PBX1: variants seen among roughly 807,000 people sequenced by gnomAD.
PBX1 encodes PBX homeobox 1.
In PBX1, 6 loss-of-function variants were observed where a neutral mutation model predicts 53.4. The ratio of observed to expected loss-of-function variants is 0.11; its 90% CI spans 0.06 to 0.22. The LOEUF (loss-of-function observed/expected upper bound fraction) is 0.22, where lower values mean the gene tolerates loss of function less well. Among genes scored for constraint, PBX1 ranks in the 10% least tolerant of loss-of-function variants. The pLI is 1.00. For synonymous variants in PBX1, 204 were observed against 212.3 expected, an observed-to-expected ratio of 0.96 and a Z score of 0.34; for missense variants, 251 against 551.4, an observed-to-expected ratio of 0.46 and a Z score of 5.46.
chr1:164,755,234 T>C (rs192157874), intron 2 of PBX1, among the ~76,000 whole-genome samples: 1,975 of 152,298 alleles, frequency 0.013, 21 homozygotes, highest in Non-Finnish European at 0.022. Flanking sequence ...AATCTTGACC[T>C]CCGCCTCCCG....
chr1:164,693,121 T>C (rs1300070838), intron 2 of PBX1, among the ~76,000 whole-genome samples: 1 of 150,882 alleles, frequency 6.6e-6, no homozygotes, highest in Non-Finnish European at 1.5e-5. Flanking sequence ...CTCAGGGTTC[T>C]TCTCCCCACT....
At chr1:164,617,025 C>A (rs1657324762) in intron 2 of PBX1, among the ~76,000 whole-genome samples, 1 of 152,160 alleles carries the variant, frequency 6.6e-6, no homozygotes, top group Non-Finnish European at 1.5e-5. Flanking sequence ...TCTTGACTAT[C>A]TTTTTCCTGT....
At chr1:164,604,959 G>A (rs1325500535) in intron 2 of PBX1, among the ~76,000 whole-genome samples, 3 of 152,144 alleles carry the variant, frequency 2.0e-5, no homozygotes, top group African/African-American at 7.2e-5. Context: ...CCATAGAGGT[G>A]GAGTGCCTTC....
At chr1:164,805,847 A>C (rs541141397) in intron 4 of PBX1, among the ~76,000 whole-genome samples, 1 of 152,160 alleles carries the variant, frequency 6.6e-6, no homozygotes, top group East Asian at 1.9e-4. Context: ...ATGATTTAGG[A>C]GAGTGACTTG....
intron 2 of PBX1, among the ~76,000 whole-genome samples, chr1:164,570,506 G>T (rs1007649804): frequency 1.3e-5 from 2 of 152,228 alleles, no homozygotes; most frequent in Admixed American, 6.5e-5. Flanking sequence ...ATGGTTTCCA[G>T]CTTCATCCAT....
At chr1:164,733,251 C>G (rs553301210) in intron 2 of PBX1, among the ~76,000 whole-genome samples, 2 of 152,256 alleles carry the variant, frequency 1.3e-5, no homozygotes, top group South Asian at 4.1e-4. Context: ...GACTCACCCA[C>G]TAGACTGAGA....
intron 2 of PBX1, among the ~76,000 whole-genome samples, chr1:164,791,200 T>G (rs1668489131): frequency 6.6e-6 from 1 of 152,136 alleles, no homozygotes; most frequent in African/African-American, 2.4e-5. Context: ...GATGAGTGAT[T>G]TATTTTATGG....
intron 2 of PBX1, among the ~76,000 whole-genome samples, chr1:164,637,350 CTG>C (rs1002020601): frequency 3.3e-5 from 5 of 152,118 alleles, no homozygotes; most frequent in Admixed American, 2.6e-4. Context: ...CAAAGTAAAA[CTG>C]AGAGAAAAAA....
chr1:164,678,817 T>C (rs117532995), intron 2 of PBX1, among the ~76,000 whole-genome samples: 2,530 of 152,248 alleles, frequency 0.017, 53 homozygotes, highest in East Asian at 0.063. Flanking sequence ...GGCATGGTAG[T>C]TTTATGAACA....
intron 2 of PBX1, among the ~76,000 whole-genome samples, chr1:164,735,797 T>C (rs1665234802): frequency 6.6e-6 from 1 of 152,138 alleles, no homozygotes; most frequent in Admixed American, 6.5e-5. Flanking sequence ...AGAAGATGTA[T>C]ATCAGCAGTA....
Position 164,656,956 on chromosome 1 carries a change from T to C in PBX1, c.265+93645T>C, listed in dbSNP as rs530841216. Among the ~76,000 whole-genome samples, 433 of 152,274 alleles carry C rather than the reference T, an allele frequency of 2.8e-3. 2 individuals are homozygous for C. Among genetic ancestry groups the C allele is most frequent in the Non-Finnish European group, 2.9e-3 (199 of 68,010 alleles). On this transcript the variant is annotated intron_variant, in intron 2 of 8. Transcript: ENST00000420696. ...GATTGTATATATGATACCAAGCCTGTGTAAAATAAAACAAAAACCCCCTTC... is the reference window on the plus strand; with the variant it reads ...GATTGTATATATGATACCAAGCCTGCGTAAAATAAAACAAAAACCCCCTTC...
intron 2 of PBX1, among the ~76,000 whole-genome samples, chr1:164,782,708 C>T (rs895085374): frequency 3.3e-5 from 5 of 152,188 alleles, no homozygotes; most frequent in East Asian, 1.9e-4. Flanking sequence ...AGATATGGGC[C>T]GGAAAATGCC....
At chr1:164,752,206 TTGTGTGTGTGTGTGTG>T (rs10629820) in intron 2 of PBX1, among the ~76,000 whole-genome samples, 10 of 143,024 alleles carry the variant, frequency 7.0e-5, no homozygotes, top group African/African-American at 2.1e-4. Flanking sequence ...CTTTAAGGTT[TTGTGTGTGTGTGTGTG>T]TGTGTGTGTG....
intron 8 of PBX1, among the ~76,000 whole-genome samples, chr1:164,843,544 G>T (rs1343935673): frequency 6.6e-6 from 1 of 152,036 alleles, no homozygotes; most frequent in Non-Finnish European, 1.5e-5. Flanking sequence ...CATATTTATG[G>T]TTGGAGGGGG....
chr1:164,784,388 G>A (rs1415913279), intron 2 of PBX1, among the ~76,000 whole-genome samples: 3 of 152,212 alleles, frequency 2.0e-5, no homozygotes, highest in South Asian at 4.1e-4. Flanking sequence ...CTGCCAGCTG[G>A]CCCAGGGAGG....
At chr1:164,684,987 C>T (rs967503284) in intron 2 of PBX1, 1 of 152,292 alleles carries the variant, frequency 6.6e-6, no homozygotes, top group African/African-American at 2.4e-5. Flanking sequence ...TGTTACCTCA[C>T]GTAATCCTCA....
At chr1:164,620,975 G>C (rs2792255) in intron 2 of PBX1, among the ~76,000 whole-genome samples, 1 of 151,450 alleles carries the variant, frequency 6.6e-6, no homozygotes, top group African/African-American at 2.4e-5. Context: ...GAGCCACTGC[G>C]CCCGGCATTA....
intron 2 of PBX1, among the ~76,000 whole-genome samples, chr1:164,654,252 A>G (rs1167243723): frequency 6.6e-6 from 1 of 152,184 alleles, no homozygotes; most frequent in Non-Finnish European, 1.5e-5. Context: ...CTTATAATGT[A>G]GTGCTTTTAC....
chr1:164,669,340 G>A (rs1344460960), intron 2 of PBX1, among the ~76,000 whole-genome samples: 2 of 152,176 alleles, frequency 1.3e-5, no homozygotes, highest in Non-Finnish European at 2.9e-5. Flanking sequence ...AATTACACTC[G>A]TCCACTTTCT....
Sources: allele counts gnomAD v4.1 joint callset (sites outside exome capture counted in the v4.1 genomes callset), GRCh38; gene constraint gnomAD v4.1.1; transcripts MANE v1.5; gene names NCBI Gene and HGNC (gene_info 2026-07-23, HGNC 2026-07-21).